The following FAM184A variants were observed in gnomAD, a reference collection of about 807,000 sequenced individuals.
FAM184A encodes family with sequence similarity 184 member A.
FAM184A carries 99 observed loss-of-function variants against 143.8 expected under a neutral mutation model. The observed-to-expected ratio is 0.69, with a 90% CI of 0.58 to 0.81. FAM184A has a LOEUF of 0.81. Ranked by LOEUF, FAM184A falls within the 40% of genes least tolerant of loss-of-function variation. FAM184A has a pLI of 0.00. For missense variants in FAM184A, 1,217 were observed against 1,310.5 expected (o/e 0.93, Z 1.10); for synonymous variants, 427 against 446.4 (o/e 0.96, Z 0.55).
At chr6:118,970,008 A>ATATTTTTTTTTTTTT in intron 14 of FAM184A, among the ~76,000 whole-genome samples, 1 of 19,046 alleles carries the variant, frequency 5.3e-5, no homozygotes, top group Non-Finnish European at 1.1e-4. Context: ...ATATATATAT[A>ATATTTTTTTTTTTTT]TTTTTTTTTT....
chr6:119,055,128 G>A (rs925603979), intron 1 of FAM184A, among the ~76,000 whole-genome samples: 4 of 152,102 alleles, frequency 2.6e-5, no homozygotes, highest in African/African-American at 9.7e-5. Context: ...GGACACTTCA[G>A]AGAAATGAAA....
chr6:119,121,547 A>G (rs1273995935), intron 1 of FAM184A, among the ~76,000 whole-genome samples: 1 of 152,234 alleles, frequency 6.6e-6, no homozygotes, highest in African/African-American at 2.4e-5. Context: ...TAATCCAGAA[A>G]TTAACAAAAC....
chr6:119,016,193 A>G (rs1367620258), intron 5 of FAM184A, among the ~76,000 whole-genome samples: 1 of 152,276 alleles, frequency 6.6e-6, no homozygotes, highest in East Asian at 1.9e-4. Context: ...CCCTGACAAA[A>G]CAGGCCACTC....
chr6:118,970,008 A>ATATATATATATATATTTTTTTT, intron 14 of FAM184A, among the ~76,000 whole-genome samples: 2 of 19,048 alleles, frequency 1.0e-4, no homozygotes, highest in East Asian at 3.0e-3. Context: ...ATATATATAT[A>ATATATATATATATATTTTTTTT]TTTTTTTTTT....
intron 7 of FAM184A, among the ~76,000 whole-genome samples, chr6:119,004,164 T>C (rs1241941015): frequency 6.6e-6 from 1 of 152,248 alleles, no homozygotes; most frequent in East Asian, 1.9e-4. Flanking sequence ...ACACAATTCC[T>C]GTAGATTAGC....
chr6:118,966,213 G>C (rs575244355), intron 15 of FAM184A, among the ~76,000 whole-genome samples: 1 of 152,246 alleles, frequency 6.6e-6, no homozygotes, highest in South Asian at 2.1e-4. Context: ...AGATATGAAT[G>C]GTTAAAGAGT....
chr6:119,018,029 C>A (rs994246163), intron 4 of FAM184A, among the ~76,000 whole-genome samples: 7 of 152,200 alleles, frequency 4.6e-5, no homozygotes, highest in Non-Finnish European at 8.8e-5. Flanking sequence ...CATGCACGGA[C>A]CGCAGAACTG....
At chr6:119,018,683 A>T (rs1264671047) in intron 4 of FAM184A, among the ~76,000 whole-genome samples, 1 of 152,212 alleles carries the variant, frequency 6.6e-6, no homozygotes, top group Admixed American at 6.5e-5. Flanking sequence ...GAGCCAACTG[A>T]AATCAGAGAT....
intron 1 of FAM184A, among the ~76,000 whole-genome samples, chr6:119,056,670 A>C (rs1786988012): frequency 6.6e-6 from 1 of 152,240 alleles, no homozygotes; most frequent in African/African-American, 2.4e-5. Context: ...TGGGATGTTC[A>C]CAACATGCCA....
intron 1 of FAM184A, among the ~76,000 whole-genome samples, chr6:119,133,252 C>G (rs1789582385): frequency 6.6e-6 from 1 of 152,012 alleles, no homozygotes. Context: ...CCTATATAGG[C>G]TTTTTTGGTG....
intron 1 of FAM184A, among the ~76,000 whole-genome samples, chr6:119,072,346 C>T (rs970670884): frequency 1.3e-5 from 2 of 152,194 alleles, no homozygotes; most frequent in African/African-American, 4.8e-5. Context: ...CATGGCAAAG[C>T]TACAATGTAA....
chr6:118,969,635 GAAC>G (rs1350079072), intron 14 of FAM184A, among the ~76,000 whole-genome samples: 1 of 152,084 alleles, frequency 6.6e-6, no homozygotes, highest in Non-Finnish European at 1.5e-5. Context: ...GTCCAGGTGT[GAAC>G]AACTGGTGAT....
intron 1 of FAM184A, among the ~76,000 whole-genome samples, chr6:119,119,916 C>T (rs565452527): frequency 2.0e-5 from 3 of 152,244 alleles, no homozygotes; most frequent in East Asian, 1.9e-4. Flanking sequence ...CCCAGGAGGT[C>T]GAGGCTGCAG....
At chr6:119,055,067 ACCC>A (rs1786909799) in intron 1 of FAM184A, among the ~76,000 whole-genome samples, 1 of 151,648 alleles carries the variant, frequency 6.6e-6, no homozygotes, top group Non-Finnish European at 1.5e-5. Context: ...TCTCCTCACA[ACCC>A]CTCTCAACTA....
intron 5 of FAM184A, among the ~76,000 whole-genome samples, chr6:119,012,071 T>G (rs557015536): frequency 1.4e-4 from 22 of 152,270 alleles, no homozygotes; most frequent in Admixed American, 1.2e-3. Flanking sequence ...AACGTCTAGC[T>G]TGGCAGGGAA....
rs1278713995 is a variant in FAM184A at position 118,964,587 on chromosome 6, A to G, written c.3138+80T>C. 8.7e-6 allele frequency: 6 copies of G among 686,474 alleles called. No homozygotes were observed. In the Admixed American group the frequency reaches 1.6e-4, roughly 18 times the overall value. The allele number at this position is 686,474 out of a possible 1,614,324, so 42.5% of individuals were successfully genotyped here. A position where few individuals can be genotyped will look rare whatever the true frequency, so the allele number is the denominator to read the frequency against. On this transcript the variant is annotated intron_variant, in intron 16 of 17. Transcript: ENST00000338891. ...CATTTTTTGGGAGCTTTATCTAACT[A>G]TGCTGCTCCAAATATTTTCACCAAA...
intron 14 of FAM184A, among the ~76,000 whole-genome samples, chr6:118,967,644 C>T (rs1445400582): frequency 6.6e-6 from 1 of 152,114 alleles, no homozygotes; most frequent in Non-Finnish European, 1.5e-5. Flanking sequence ...GCAGGTGACA[C>T]ATCCTGCTGA....
intron 1 of FAM184A, among the ~76,000 whole-genome samples, chr6:119,032,886 A>G (rs908572888): frequency 2.0e-5 from 3 of 152,214 alleles, no homozygotes; most frequent in African/African-American, 7.2e-5. Context: ...AGGTTACTTG[A>G]GCCATAAGAC....
At chr6:119,037,918 CT>C (rs1402249266) in intron 1 of FAM184A, among the ~76,000 whole-genome samples, 1 of 152,154 alleles carries the variant, frequency 6.6e-6, no homozygotes, top group African/African-American at 2.4e-5. Context: ...TACGAGGCAT[CT>C]TTACCTGAAT....
Sources: gnomAD v4.1 joint callset for allele counts (sites outside exome capture counted in the v4.1 genomes callset) on GRCh38, gnomAD v4.1.1 for gene constraint, MANE v1.5 for transcripts, NCBI Gene and HGNC (gene_info 2026-07-23, HGNC 2026-07-21) for gene names.